The following CCDC194 variants were observed in gnomAD, a reference collection of about 807,000 sequenced individuals.
CCDC194 encodes the protein coiled-coil domain-containing protein 194.
CCDC194 carries 8 observed loss-of-function variants against 4.9 expected under a neutral mutation model. The observed-to-expected ratio is 1.65, with a 90% CI of 0.97 to 2.97. The LOEUF (loss-of-function observed/expected upper bound fraction) is 2.97, where lower values mean the gene tolerates loss of function less well. Among genes scored for constraint, CCDC194 ranks in the 30% most tolerant of loss-of-function variants. The pLI is 0.00. For missense variants in CCDC194, 52 were observed against 43.1 expected (o/e 1.21, Z -0.58); for synonymous variants, 13 against 17.0 (o/e 0.76, Z 0.58).
chr19:17,391,106 CCACG>C (rs2074652774), intron 3 of CCDC194, 101 bp downstream of exon 3: 1 of 360,320 alleles, frequency 2.8e-6, no homozygotes, highest in African/African-American at 2.1e-5. Flanking sequence ...CACCACAATT[CCACG>C]CCCAAAGTAA....
downstream of CCDC194, among the ~76,000 whole-genome samples, chr19:17,388,811 T>G (rs975446072): frequency 4.0e-5 from 6 of 151,814 alleles, no homozygotes; most frequent in Admixed American, 1.3e-4. Context: ...CATGATTTTC[T>G]TAATAATTTT....
exon 1 of CCDC194, chr19:17,393,978 C>T (rs959481501): frequency 7.6e-6 from 3 of 393,554 alleles, no homozygotes; most frequent in Non-Finnish European, 1.3e-5. Context: ...GGCGGCGGGT[C>T]CCCGGGCGGC....
At chr19:17,389,695 G>T (rs901823874), downstream of CCDC194, among the ~76,000 whole-genome samples, 20 of 152,308 alleles carry the variant, frequency 1.3e-4, no homozygotes, top group African/African-American at 4.6e-4. Context: ...GCTGGGAGCG[G>T]TGGCTCACAC....
exon 1 of CCDC194, chr19:17,393,923 C>T (rs2074664406): frequency 1.0e-5 from 4 of 397,074 alleles, no homozygotes; most frequent in South Asian, 2.5e-4. Context: ...GGCCTCCTCC[C>T]GCTCGGCAGC....
At chr19:17,391,091 C>A (rs983717717) in intron 3 of CCDC194, 120 bp downstream of exon 3, 31 of 378,604 alleles carry the variant, frequency 8.2e-5, no homozygotes, top group African/African-American at 6.1e-4. Flanking sequence ...ACAATGCCCC[C>A]CCCCCACCAC....
chr19:17,391,622 T>A (rs2074654981), intron 2 of CCDC194, 128 bp downstream of exon 2: 4 of 1,527,918 alleles, frequency 2.6e-6, no homozygotes, highest in Non-Finnish European at 3.5e-6. Flanking sequence ...TGCATTCTTT[T>A]CATAAGTTTT....
chr19:17,388,043 T>G (rs891253065), downstream of CCDC194, among the ~76,000 whole-genome samples: 1 of 149,326 alleles, frequency 6.7e-6, no homozygotes, highest in East Asian at 2.0e-4. Flanking sequence ...CCCACCACCA[T>G]GCCCGGCTAA....
Position 17,390,548 on chromosome 19 carries a change from G to A in CCDC194, c.666C>T (p.Ser222=). The change falls in exon 4 of 4, where the codon TCC becomes TCT. Residue 222 remains serine, a synonymous_variant. Transcript: ENST00000636079. The surrounding 1 kb of genome is among the most constrained non-coding windows in gnomAD (Gnocchi z 5.5). ...GCCGCGCCGGCCGCCGGCAGCCCCC[G>A]GAGGGTCCGGAGCGAGAGCGCGAGC... 2 of 396,472 alleles carry A rather than the reference G, an allele frequency of 5.0e-6. No homozygotes were observed. Among genetic ancestry groups the A allele is most frequent in the Non-Finnish European group, 8.9e-6 (2 of 224,750 alleles). 24.6% of individuals were successfully genotyped at this position (396,472 alleles called of 1,614,324 possible).
At chr19:17,387,595 C>T (rs939551520), downstream of CCDC194, among the ~76,000 whole-genome samples, 2 of 152,072 alleles carry the variant, frequency 1.3e-5, no homozygotes, top group African/African-American at 4.8e-5. Context: ...TGATGGGCGC[C>T]TGTAATTCCA....
chr19:17,391,987 AG>A, intron 1 of CCDC194, 141 bp from the exon 2 acceptor site: 1 of 790,620 alleles, frequency 1.3e-6, no homozygotes, highest in Non-Finnish European at 1.9e-6. Context: ...GGGGCCTTGT[AG>A]TTGTAAAATA....
chr19:17,388,927 G>A (rs1033108819), downstream of CCDC194, among the ~76,000 whole-genome samples: 4 of 144,056 alleles, frequency 2.8e-5, no homozygotes, highest in African/African-American at 5.2e-5. Context: ...CAAACTTGAC[G>A]TCCTGGGCTC....
rs1247512284 is a variant in CCDC194, at chr19:17,391,238, GC to G, written c.526del (p.Ala176ProfsTer17). On this transcript the variant is annotated frameshift_variant, in exon 3 of 4. Transcript: ENST00000636079. LOFTEE classifies it low-confidence loss of function (END_TRUNC). Reference sequence around the variant, plus strand: ...GCGTTCGCGCAGCGCCGCCTCCCGGGCCGCACAGGCTTCGCCCTCGGCCTCC... The same window carrying G: ...GCGTTCGCGCAGCGCCGCCTCCCGGGCGCACAGGCTTCGCCCTCGGCCTCC... 1.0e-5 allele frequency: 4 copies of G among 401,582 alleles called. No homozygotes were observed. The highest frequency in any genetic ancestry group is 6.2e-5 in the African/African-American group (3 of 48,648). 24.9% of individuals were successfully genotyped at this position (401,582 alleles called of 1,614,324 possible).
intron 2 of CCDC194, 159 bp from the exon 3 acceptor site, chr19:17,391,502 A>C: frequency 1.2e-6 from 1 of 819,394 alleles, no homozygotes; most frequent in South Asian, 1.8e-5. Context: ...TGCCATTTGC[A>C]TAGCTTTTCA....
chr19:17,391,423 T>C, intron 2 of CCDC194, 80 bp from the exon 3 acceptor site: 1 of 517,076 alleles, frequency 1.9e-6, no homozygotes, highest in East Asian at 3.5e-5. Flanking sequence ...AAGTTGATAG[T>C]CTGCATGCCG....
chr19:17,392,122 C>T (rs375562021), intron 1 of CCDC194: 3 of 303,636 alleles, frequency 9.9e-6, no homozygotes, highest in African/African-American at 4.3e-5. Flanking sequence ...CTGAGCTCTG[C>T]GGTCAGATTC....
intron 3 of CCDC194, 119 bp downstream of exon 3, chr19:17,391,092 C>CT: frequency 2.6e-6 from 1 of 380,978 alleles, no homozygotes. Context: ...CAATGCCCCC[C>CT]CCCCACCACA....
rs1285385238 is a variant in CCDC194, at chr19:17,390,603, C to G, written c.611G>C (p.Arg204Pro). 2.5e-6 allele frequency: 1 copy of G among 397,706 alleles called. No homozygotes were observed. The highest frequency in any genetic ancestry group is 3.6e-5 in the East Asian group (1 of 28,044). The allele number at this position is 397,706 out of a possible 1,614,324, so 24.6% of individuals were successfully genotyped here. Reference sequence around the variant, plus strand: ...GCTGGGCCGGGGTCGGGACCCCGAGCGGGGACGCGGCCGGGGCACTCTGCG... The same window carrying G: ...GCTGGGCCGGGGTCGGGACCCCGAGGGGGGACGCGGCCGGGGCACTCTGCG... Residue 204 changes from arginine to proline, a missense_variant, in exon 4 of 4, where the codon CGC (arginine) becomes CCC (proline). Physicochemically the swap from Arg to Pro is moderately radical, Grantham distance 103. Coordinates refer to ENST00000636079, the Ensembl canonical transcript of CCDC194. This position sits in a 1 kb window ranked among gnomAD's most constrained non-coding sequence, Gnocchi z 5.5.
At chr19:17,393,194 T>C (rs1359542794) in intron 1 of CCDC194, among the ~76,000 whole-genome samples, 1 of 152,054 alleles carries the variant, frequency 6.6e-6, no homozygotes, top group Non-Finnish European at 1.5e-5. Flanking sequence ...ACCCAGCAGG[T>C]ACCTCCCCCA....
intron 1 of CCDC194, chr19:17,392,355 A>G (rs955520626): frequency 6.6e-6 from 1 of 151,816 alleles, no homozygotes; most frequent in Non-Finnish European, 1.5e-5. Flanking sequence ...GGGCGCCTGT[A>G]ATCCCAGCTC....
Sources: allele counts gnomAD v4.1 joint callset (sites outside exome capture counted in the v4.1 genomes callset), GRCh38; gene constraint gnomAD v4.1.1; non-coding constraint Gnocchi (gnomAD v3.1); transcripts MANE v1.5; gene names NCBI Gene and HGNC (gene_info 2026-07-23, HGNC 2026-07-21).